PLCB1: variants seen among roughly 807,000 people sequenced by gnomAD.
The protein encoded by PLCB1 is phospholipase C beta 1.
PLCB1 carries 46 observed loss-of-function variants against 161.8 expected under a neutral mutation model. The observed-to-expected ratio is 0.28, with a 90% CI of 0.22 to 0.36. PLCB1 has a LOEUF of 0.36. Ranked by LOEUF, PLCB1 falls within the 10% of genes least tolerant of loss-of-function variation. The probability of loss-of-function intolerance (pLI) is 1.00; values close to 1 mark genes in which losing one functional copy is unlikely to be tolerated. For synonymous variants in PLCB1, 517 were observed against 503.7 expected (o/e 1.03, Z -0.35); for missense variants, 1,016 against 1,472.5 (o/e 0.69, Z 5.07).
chr20:8,554,121 A>C (rs1466876980), intron 3 of PLCB1, among the ~76,000 whole-genome samples: 2 of 151,876 alleles, frequency 1.3e-5, no homozygotes, highest in East Asian at 3.9e-4. Context: ...TGTTGGCAAG[A>C]TTGTAGAATA....
chr20:8,867,372 C>A, intron 31 of PLCB1, among the ~76,000 whole-genome samples: 1 of 152,194 alleles, frequency 6.6e-6, no homozygotes, highest in East Asian at 1.9e-4. Context: ...TTGCTTGCAC[C>A]GTCTGCACTA....
At chr20:8,697,142 C>T (rs1990601683) in intron 10 of PLCB1, among the ~76,000 whole-genome samples, 1 of 152,158 alleles carries the variant, frequency 6.6e-6, no homozygotes, top group Non-Finnish European at 1.5e-5. Context: ...TATAATAGAA[C>T]AGTCTCCCAA....
At chr20:8,549,664 G>T (rs779001065) in intron 3 of PLCB1, among the ~76,000 whole-genome samples, 32 of 152,076 alleles carry the variant, frequency 2.1e-4, no homozygotes, top group Non-Finnish European at 5.9e-5. Flanking sequence ...GTGCAATCTC[G>T]GCTCACTGCA....
intron 3 of PLCB1, among the ~76,000 whole-genome samples, chr20:8,479,527 C>A (rs937668896): frequency 3.4e-4 from 52 of 152,204 alleles, no homozygotes; most frequent in African/African-American, 1.1e-3. Context: ...GGAAACATTA[C>A]AGAGTCACAA....
chr20:8,352,393 C>T (rs1323631013), intron 2 of PLCB1, among the ~76,000 whole-genome samples: 1 of 151,974 alleles, frequency 6.6e-6, no homozygotes, highest in Non-Finnish European at 1.5e-5. Flanking sequence ...TTGTATGGTG[C>T]TGTAATGGTA....
chr20:8,318,882 A>G (rs1290315381), intron 2 of PLCB1, among the ~76,000 whole-genome samples: 1 of 152,178 alleles, frequency 6.6e-6, no homozygotes, highest in Non-Finnish European at 1.5e-5. Context: ...AAGTGTCAAA[A>G]GTGAGAGTAG....
intron 3 of PLCB1, among the ~76,000 whole-genome samples, chr20:8,439,000 CG>C (rs1434533139): frequency 1.3e-5 from 2 of 152,154 alleles, no homozygotes; most frequent in African/African-American, 4.8e-5. Context: ...GAGTCAGCGA[CG>C]TGCTCTCGTA....
At chr20:8,426,939 A>T (rs1979807615) in intron 3 of PLCB1, among the ~76,000 whole-genome samples, 1 of 152,190 alleles carries the variant, frequency 6.6e-6, no homozygotes, top group Non-Finnish European at 1.5e-5. Flanking sequence ...TTACTTTGAG[A>T]CAGAGTCTCG....
At chr20:8,258,984 A>G (rs1222184758) in intron 2 of PLCB1, among the ~76,000 whole-genome samples, 1 of 152,202 alleles carries the variant, frequency 6.6e-6, no homozygotes, top group Non-Finnish European at 1.5e-5. Context: ...GTCTCTGGCA[A>G]CCACAGATTT....
intron 2 of PLCB1, among the ~76,000 whole-genome samples, chr20:8,227,145 GTGTATT>G (rs1237328535): frequency 6.6e-6 from 1 of 152,078 alleles, no homozygotes; most frequent in Non-Finnish European, 1.5e-5. Context: ...ATCCCAGAGT[GTGTATT>G]TTTCCCTCAC....
intron 3 of PLCB1, among the ~76,000 whole-genome samples, chr20:8,460,843 G>A (rs1290434194): frequency 6.6e-6 from 1 of 152,160 alleles, no homozygotes; most frequent in African/African-American, 2.4e-5. Context: ...GCTGGGGCCT[G>A]AGGGTCTTCA....
At chr20:8,248,397 T>C (rs1980986775) in intron 2 of PLCB1, among the ~76,000 whole-genome samples, 1 of 151,814 alleles carries the variant, frequency 6.6e-6, no homozygotes, top group Non-Finnish European at 1.5e-5. Flanking sequence ...GCTGCAGCAG[T>C]ATCTTCTGTT....
chr20:8,645,076 G>C (rs539718245), intron 4 of PLCB1, among the ~76,000 whole-genome samples: 1 of 152,118 alleles, frequency 6.6e-6, no homozygotes, highest in Non-Finnish European at 1.5e-5. Context: ...AATGGATTAA[G>C]GGCGGTGCAA....
chr20:8,411,978 G>A (rs1979063840), intron 3 of PLCB1, among the ~76,000 whole-genome samples: 1 of 151,868 alleles, frequency 6.6e-6, no homozygotes, highest in African/African-American at 2.4e-5. Flanking sequence ...AGCTGAGATT[G>A]CACCATTGCA....
intron 3 of PLCB1, among the ~76,000 whole-genome samples, chr20:8,611,973 A>T (rs1182484993): frequency 1.3e-5 from 2 of 152,106 alleles, no homozygotes; most frequent in South Asian, 2.1e-4. Context: ...CAAACTAGAG[A>T]TATATTCACC....
chr20:8,436,717 C>T (rs1448149906), intron 3 of PLCB1, among the ~76,000 whole-genome samples: 1 of 152,160 alleles, frequency 6.6e-6, no homozygotes, highest in Admixed American at 6.5e-5. Context: ...CCTGATGTAG[C>T]TTTCATTAGA....
chr20:8,680,563 C>A (rs1013270936), intron 9 of PLCB1, among the ~76,000 whole-genome samples: 1 of 152,038 alleles, frequency 6.6e-6, no homozygotes, highest in African/African-American at 2.4e-5. Flanking sequence ...AAAGTTGATC[C>A]CTGGTTCACA....
At chr20:8,347,806 A>G (rs1986043889) in intron 2 of PLCB1, among the ~76,000 whole-genome samples, 1 of 152,204 alleles carries the variant, frequency 6.6e-6, no homozygotes. Context: ...ATTGAATTCC[A>G]TGAAGAAATA....
At chr20:8,488,284 G>A (rs1470996905) in intron 3 of PLCB1, among the ~76,000 whole-genome samples, 3 of 151,838 alleles carry the variant, frequency 2.0e-5, no homozygotes, top group African/African-American at 7.3e-5. Context: ...AAAAGGTAAG[G>A]TAGATTATTC....
Sources: allele counts gnomAD v4.1 joint callset (sites outside exome capture counted in the v4.1 genomes callset), GRCh38; gene constraint gnomAD v4.1.1; transcripts MANE v1.5; gene names NCBI Gene and HGNC (gene_info 2026-07-23, HGNC 2026-07-21).